Variants in LINGO2 observed in about 807,000 individuals in gnomAD.
LINGO2 encodes the protein leucine rich repeat and Ig domain containing 2.
A neutral mutation model predicts 30.6 loss-of-function variants in LINGO2; 14 were observed. The observed-to-expected ratio is 0.46, with a 90% confidence interval of 0.30 to 0.72. The LOEUF is 0.72. Ranked by LOEUF, LINGO2 falls within the 30% of genes least tolerant of loss-of-function variation. LINGO2 has a pLI of 0.07. For synonymous variants in LINGO2, 317 were observed against 288.5 expected (o/e 1.10, Z -1.00); for missense variants, 729 against 751.7 (o/e 0.97, Z 0.35).
At chr9:27,961,666 A>T (rs973716740) in intron 5 of LINGO2, among the ~76,000 whole-genome samples, 1 of 152,202 alleles carries the variant, frequency 6.6e-6, no homozygotes, top group African/African-American at 2.4e-5. Context: ...TTTTGGAAAA[A>T]TTAATCTGAT....
chr9:29,091,481 A>T, the LINGO2 span, among the ~76,000 whole-genome samples: 1 of 152,096 alleles, frequency 6.6e-6, no homozygotes, highest in African/African-American at 2.4e-5. Flanking sequence ...CTTAAAAGTC[A>T]GATGAGTGTA....
intron 5 of LINGO2, among the ~76,000 whole-genome samples, chr9:27,966,092 G>A (rs1344975395): frequency 1.3e-5 from 2 of 151,940 alleles, no homozygotes; most frequent in Non-Finnish European, 2.9e-5. Context: ...CACTATTTAG[G>A]CAAAGGGAAA....
At position 28,472,919 on chromosome 9, in the gene LINGO2, G is replaced by T. The variant is rs370497495; in HGVS notation, c.-279+3021C>A. ...CTGTACTTTAATATATCCAATCTCT[G>T]TGTTTTTTATTTCTGAGTCATTCAA... On this transcript the variant is annotated intron_variant, in intron 2 of 5. Coordinates refer to ENST00000379992, the Ensembl canonical transcript of LINGO2. Among the ~76,000 whole-genome samples the T allele has an allele frequency of 4.6e-5, 7 of 152,116 alleles. No individual in the cohort carries two copies. The South Asian group carries it at 1.2e-3, about 27-fold the overall frequency.
chr9:28,609,462 A>T (rs924800845), intron 1 of LINGO2, among the ~76,000 whole-genome samples: 1 of 152,038 alleles, frequency 6.6e-6, no homozygotes, highest in Non-Finnish European at 1.5e-5. Context: ...TATATAGGTA[A>T]GCAATTCATG....
chr9:28,832,023 A>G, the LINGO2 span, among the ~76,000 whole-genome samples: 7 of 152,270 alleles, frequency 4.6e-5, no homozygotes, highest in African/African-American at 7.2e-5. Flanking sequence ...ATTTTTCCCA[A>G]TTTGGCTTAT....
the LINGO2 span, among the ~76,000 whole-genome samples, chr9:28,892,538 T>C: frequency 6.6e-6 from 1 of 151,908 alleles, no homozygotes; most frequent in Non-Finnish European, 1.5e-5. Context: ...CAACAAAAAC[T>C]ATATACACAA....
intron 2 of LINGO2, among the ~76,000 whole-genome samples, chr9:28,408,747 T>C (rs1442252382): frequency 2.8e-5 from 4 of 143,888 alleles, no homozygotes; most frequent in Non-Finnish European, 6.0e-5. Context: ...TTTGCACATG[T>C]ACCCTTAAAC....
chr9:28,725,845 G>A, the LINGO2 span, among the ~76,000 whole-genome samples: 2 of 152,008 alleles, frequency 1.3e-5, no homozygotes, highest in East Asian at 1.9e-4. Flanking sequence ...TACAAAATGT[G>A]CGTGTATGTG....
chr9:29,175,518 C>T, the LINGO2 span, among the ~76,000 whole-genome samples: 11 of 140,500 alleles, frequency 7.8e-5, no homozygotes, highest in Admixed American at 5.0e-4. Flanking sequence ...ATCGTATCTC[C>T]GAGATTTTTT....
chr9:28,151,574 G>A lies in LINGO2; in HGVS notation c.-86-139169C>T, dbSNP rs375484887. ...AGTGCTATGTAATATAATTCAAGAT[G>A]TGCTGACGAATATAATTAGAAAATA... On this transcript the variant is annotated intron_variant, in intron 4 of 5. Coordinates refer to ENST00000379992, the Ensembl canonical transcript of LINGO2. Among the ~76,000 whole-genome samples, 24 of 151,830 alleles carry A rather than the reference G, an allele frequency of 1.6e-4. 1 individual carries two copies. The East Asian group carries it at 3.1e-3, about 20-fold the overall frequency.
At chr9:28,068,141 C>G (rs1234063057) in intron 4 of LINGO2, among the ~76,000 whole-genome samples, 1 of 152,106 alleles carries the variant, frequency 6.6e-6, no homozygotes, top group Admixed American at 6.6e-5. Flanking sequence ...CAAATTTTTT[C>G]TTTTCATGTA....
chr9:28,669,706 T>C (rs896996989), intron 1 of LINGO2, among the ~76,000 whole-genome samples: 3 of 151,744 alleles, frequency 2.0e-5, no homozygotes, highest in South Asian at 2.1e-4. Context: ...TTAGTACTAG[T>C]GGGGGAAATA....
At chr9:29,091,658 T>C in the LINGO2 span, among the ~76,000 whole-genome samples, 1 of 152,010 alleles carries the variant, frequency 6.6e-6, no homozygotes, top group Non-Finnish European at 1.5e-5. Flanking sequence ...AATTGGATAA[T>C]GTCTATCTCG....
chr9:28,398,433 C>T (rs1822137979), intron 2 of LINGO2, among the ~76,000 whole-genome samples: 1 of 151,940 alleles, frequency 6.6e-6, no homozygotes, highest in Admixed American at 6.6e-5. Flanking sequence ...TTCTCATTTC[C>T]ATAAATCTTA....
chr9:28,848,363 TTG>T, the LINGO2 span, among the ~76,000 whole-genome samples: 426 of 74,602 alleles, frequency 5.7e-3, 3 homozygotes, highest in Middle Eastern at 0.014. Context: ...TACACATATA[TTG>T]TGTGTGTGTG....
chr9:28,935,513 A>C, the LINGO2 span, among the ~76,000 whole-genome samples: 1 of 152,084 alleles, frequency 6.6e-6, no homozygotes, highest in Non-Finnish European at 1.5e-5. Context: ...CTAGAAATCT[A>C]TTTTTCATAA....
At chr9:28,179,165 A>C (rs1828829783) in intron 4 of LINGO2, among the ~76,000 whole-genome samples, 1 of 148,972 alleles carries the variant, frequency 6.7e-6, no homozygotes, top group South Asian at 2.2e-4. Context: ...TTGATACTTC[A>C]AAATATTTAT....
intron 5 of LINGO2, among the ~76,000 whole-genome samples, chr9:27,965,262 T>G (rs1021353482): frequency 2.0e-5 from 3 of 152,102 alleles, no homozygotes; most frequent in Non-Finnish European, 4.4e-5. Context: ...CAGGATTTTT[T>G]GACTCTCAGT....
At chr9:28,740,046 T>C in the LINGO2 span, among the ~76,000 whole-genome samples, 4 of 151,570 alleles carry the variant, frequency 2.6e-5, no homozygotes, top group East Asian at 7.7e-4. Context: ...TCTATATATG[T>C]GTTAATTTCC....
Sources: gnomAD v4.1 joint callset for allele counts (sites outside exome capture counted in the v4.1 genomes callset) on GRCh38, gnomAD v4.1.1 for gene constraint, MANE v1.5 for transcripts, NCBI Gene and HGNC (gene_info 2026-07-23, HGNC 2026-07-21) for gene names.